The following PTPN11 variants were observed in gnomAD, a reference collection of about 807,000 sequenced individuals.
The protein encoded by PTPN11 is protein tyrosine phosphatase non-receptor type 11.
PTPN11 carries 6 observed loss-of-function variants against 78.8 expected under a neutral mutation model. The ratio of observed to expected loss-of-function variants is 0.08; its 90% confidence interval spans 0.04 to 0.15. The LOEUF (loss-of-function observed/expected upper bound fraction) is 0.15. PTPN11 is among the 10% of genes least tolerant of loss of function. PTPN11 has a pLI of 1.00. For synonymous variants in PTPN11, 221 were observed against 263.5 expected (o/e 0.84, Z 1.56); for missense variants, 386 against 744.8 (o/e 0.52, Z 5.61).
At chr12:112,433,627 C>T (rs1057394404) in intron 1 of PTPN11, among the ~76,000 whole-genome samples, 2 of 152,160 alleles carry the variant, frequency 1.3e-5, no homozygotes, top group East Asian at 3.8e-4. Flanking sequence ...ATGGCACATT[C>T]ATACAATGGG....
intron 15 of PTPN11, 40 bp from the exon 16 acceptor site, chr12:112,505,785 T>TA (rs1172260490): frequency 7.9e-5 from 12 of 152,266 alleles, no homozygotes; most frequent in Admixed American, 7.9e-4. Context: ...AGCTTTTAGA[T>TA]ATATGTTCCT....
At chr12:112,493,306 G>A (rs916626404) in intron 13 of PTPN11, among the ~76,000 whole-genome samples, 3 of 151,068 alleles carry the variant, frequency 2.0e-5, no homozygotes, top group African/African-American at 2.4e-5. Context: ...TGATCCTCCC[G>A]TCTCAGCTTT....
At chr12:112,486,448 T>C (rs771116593) in intron 10 of PTPN11, 27 bp from the exon 11 acceptor site, 2 of 1,591,076 alleles carry the variant, frequency 1.3e-6, no homozygotes, top group Admixed American at 1.7e-5. Flanking sequence ...TTTAATTCTT[T>C]TCTGGTTTTT....
intron 1 of PTPN11, among the ~76,000 whole-genome samples, chr12:112,425,720 G>C (rs747836049): frequency 5.3e-5 from 8 of 151,942 alleles, no homozygotes; most frequent in Non-Finnish European, 1.0e-4. Flanking sequence ...TGGATCCCTA[G>C]TTTAAATTCC....
chr12:112,419,221 G>T, intron 1 of PTPN11, 96 bp downstream of exon 1: 1 of 1,270,916 alleles, frequency 7.9e-7, no homozygotes, highest in Non-Finnish European at 1.0e-6. Context: ...CCGGGCTTCG[G>T]GCTCCCGCCC....
intron 1 of PTPN11, among the ~76,000 whole-genome samples, chr12:112,440,698 C>A (rs7296254): frequency 6.7e-6 from 1 of 149,964 alleles, no homozygotes; most frequent in African/African-American, 2.5e-5. Flanking sequence ...CTCAGCCTCC[C>A]GAGTATCTGA....
At chr12:112,426,096 A>C (rs1347831185) in intron 1 of PTPN11, among the ~76,000 whole-genome samples, 5 of 152,162 alleles carry the variant, frequency 3.3e-5, no homozygotes, top group Admixed American at 2.0e-4. Context: ...TGCATAGATA[A>C]AACAAAATAT....
intron 6 of PTPN11, among the ~76,000 whole-genome samples, chr12:112,466,644 C>T (rs1420831604): frequency 2.0e-5 from 3 of 152,074 alleles, no homozygotes; most frequent in Non-Finnish European, 2.9e-5. Flanking sequence ...GAGCCATGGC[C>T]CCCAGCCGTA....
chr12:112,489,180 CAGCCTGA>C lies in PTPN11; in HGVS notation c.1599+6_1599+12del. On this transcript the variant is annotated splice_donor_region_variant and intron_variant, in intron 13 of 15. Coordinates refer to ENST00000351677, the MANE Select transcript of PTPN11 (RefSeq NM_002834.5). ...CGCAGGATTGAAGAAGAGCAGGTAC[CAGCCTGA>C]GGGCTGGCATGCGGATTCTCATTCT... is the stretch of plus-strand genomic sequence containing the variant. 6.2e-7 allele frequency: 1 copy of C among 1,614,138 alleles called. No individual in the cohort carries two copies. The highest frequency in any genetic ancestry group is 8.5e-7 in the Non-Finnish European group (1 of 1,180,004).
At chr12:112,501,966 T>G (rs1335960659) in intron 13 of PTPN11, among the ~76,000 whole-genome samples, 178 bp from the exon 14 acceptor site, 7 of 152,230 alleles carry the variant, frequency 4.6e-5, no homozygotes, top group Non-Finnish European at 1.0e-4. Flanking sequence ...TACTGTGTAT[T>G]TACCTTGAGA....
chr12:112,419,280 G>A (rs2037479534), intron 1 of PTPN11, among the ~76,000 whole-genome samples, 155 bp downstream of exon 1: 1 of 152,070 alleles, frequency 6.6e-6, no homozygotes, highest in Non-Finnish European at 1.5e-5. Flanking sequence ...CGCCCTCCAG[G>A]GGCCGGGGGC....
intron 6 of PTPN11, among the ~76,000 whole-genome samples, chr12:112,462,438 G>C (rs571693904): frequency 6.6e-6 from 1 of 151,862 alleles, no homozygotes; most frequent in African/African-American, 2.4e-5. Context: ...TGCTAACTGG[G>C]TATATGGTTA....
At chr12:112,460,088 C>T (rs1212942684) in intron 6 of PTPN11, among the ~76,000 whole-genome samples, 1 of 152,168 alleles carries the variant, frequency 6.6e-6, no homozygotes, top group Non-Finnish European at 1.5e-5. Flanking sequence ...GCTGGGACTA[C>T]AGGTGCCCAC....
chr12:112,494,816 G>C (rs867310780), intron 13 of PTPN11, among the ~76,000 whole-genome samples: 2 of 152,140 alleles, frequency 1.3e-5, no homozygotes, highest in African/African-American at 4.8e-5. Flanking sequence ...TTCGACTTAT[G>C]ATTTTTGATT....
intron 9 of PTPN11, among the ~76,000 whole-genome samples, chr12:112,480,040 T>C (rs1370311434): frequency 6.6e-6 from 1 of 152,254 alleles, no homozygotes; most frequent in East Asian, 1.9e-4. Flanking sequence ...TAAAAGACAG[T>C]GTATTAGTTC....
chr12:112,498,067 C>T (rs1160399370), intron 13 of PTPN11, among the ~76,000 whole-genome samples: 4 of 152,014 alleles, frequency 2.6e-5, no homozygotes, highest in South Asian at 2.1e-4. Flanking sequence ...GCATGAGAAT[C>T]GCTTGAACCC....
At chr12:112,488,343 A>C in intron 11 of PTPN11, 100 bp from the exon 12 acceptor site, 1 of 995,892 alleles carries the variant, frequency 1.0e-6, no homozygotes, top group Non-Finnish European at 1.6e-6. Flanking sequence ...ATAGCTCCAA[A>C]GAGTAGACAT....
intron 9 of PTPN11, among the ~76,000 whole-genome samples, chr12:112,480,687 C>T (rs554530813): frequency 9.5e-4 from 144 of 152,230 alleles, no homozygotes; most frequent in African/African-American, 3.3e-3. Context: ...TTGAACGTTC[C>T]TCCTACCATG....
In PTPN11 at chr12:112,501,298, C is replaced by G. The variant is rs553591809; in HGVS notation, c.1600-846C>G. On this transcript the variant is annotated intron_variant, in intron 13 of 15. Transcript: ENST00000351677. ...GCTGGTTTTCTTTGCCTTTTCCCCC[C>G]CAGGGTATCATCAGAACCAAAAATA... Among the ~76,000 whole-genome samples, 9 of 152,246 alleles carry G rather than the reference C, an allele frequency of 5.9e-5. No homozygotes were observed. In the East Asian group the frequency reaches 1.7e-3, roughly 29 times the overall value.
Sources: gnomAD v4.1 joint callset for allele counts (sites outside exome capture counted in the v4.1 genomes callset) on GRCh38, gnomAD v4.1.1 for gene constraint, MANE v1.5 for transcripts, NCBI Gene and HGNC (gene_info 2026-07-23, HGNC 2026-07-21) for gene names.